KLF8: variants seen among roughly 807,000 people sequenced by gnomAD.
The protein encoded by KLF8 is KLF transcription factor 8.
Under a neutral mutation model 18.2 loss-of-function variants are expected in KLF8, and 10 were observed. The observed-to-expected ratio is 0.55, with a 90% CI of 0.34 to 0.93. KLF8 has a LOEUF of 0.93. Ranked by LOEUF, KLF8 falls within the 40% of genes least tolerant of loss-of-function variation. The pLI, the probability that KLF8 is intolerant of heterozygous loss-of-function variation, is 0.02. For synonymous variants in KLF8, 109 were observed against 97.3 expected, an observed-to-expected ratio of 1.12 and a Z score of -0.71; for missense variants, 264 against 277.9, an observed-to-expected ratio of 0.95 and a Z score of 0.36.
At chrX:56,206,604 C>A in the KLF8 span, among the ~76,000 whole-genome samples, 4 of 112,666 alleles carry the variant, frequency 3.6e-5, no homozygotes, top group Non-Finnish European at 7.5e-5. Flanking sequence ...GGTGGACTCT[C>A]ATGGCCTTGG....
the KLF8 span, among the ~76,000 whole-genome samples, chrX:56,099,436 C>A: frequency 9.0e-6 from 1 of 111,306 alleles, no homozygotes; most frequent in Non-Finnish European, 1.9e-5. Flanking sequence ...AGTAACCCTG[C>A]AATGCCCTCT....
At chrX:56,000,053 G>T in the KLF8 span, among the ~76,000 whole-genome samples, 5 of 111,432 alleles carry the variant, frequency 4.5e-5, no homozygotes, top group Non-Finnish European at 7.5e-5. Context: ...AGTCATTAGG[G>T]GATGCTGGAT....
the KLF8 span, among the ~76,000 whole-genome samples, chrX:56,036,061 A>G: frequency 2.7e-5 from 3 of 111,863 alleles, no homozygotes; most frequent in African/African-American, 6.5e-5. Flanking sequence ...TCCCTTGACT[A>G]TACGGGCTTT....
chrX:56,241,201 T>C (rs2066539695), intron 1 of KLF8, among the ~76,000 whole-genome samples: 1 of 111,602 alleles, frequency 9.0e-6, no homozygotes, highest in South Asian at 3.8e-4. Context: ...GGAGCCTCGC[T>C]CTTTCATGCA....
chrX:56,159,759 C>G, the KLF8 span, among the ~76,000 whole-genome samples: 24 of 111,239 alleles, frequency 2.2e-4, no homozygotes, highest in African/African-American at 7.5e-4. Flanking sequence ...TTTCTTGCAT[C>G]TATTTGATTC....
At chrX:56,113,617 A>G in the KLF8 span, among the ~76,000 whole-genome samples, 1 of 107,197 alleles carries the variant, frequency 9.3e-6, no homozygotes, top group Admixed American at 1.0e-4. Flanking sequence ...GAAAAAAGAA[A>G]AAAAGAAATG....
chrX:56,160,336 G>A, the KLF8 span, among the ~76,000 whole-genome samples: 1 of 111,675 alleles, frequency 9.0e-6, no homozygotes, highest in African/African-American at 3.3e-5. Flanking sequence ...GAATACGTGT[G>A]GTGTGGTGCT....
the KLF8 span, among the ~76,000 whole-genome samples, chrX:55,958,400 T>A: frequency 8.9e-6 from 1 of 112,135 alleles, no homozygotes; most frequent in Admixed American, 9.4e-5. Context: ...CAAGAGGTTT[T>A]ATACCTTTAA....
At chrX:56,079,746 G>C in the KLF8 span, among the ~76,000 whole-genome samples, 1 of 110,165 alleles carries the variant, frequency 9.1e-6, no homozygotes, top group Non-Finnish European at 1.9e-5. Flanking sequence ...TTGACAGTGA[G>C]GTGTTAAAGT....
the KLF8 span, among the ~76,000 whole-genome samples, chrX:55,946,053 A>C: frequency 1.8e-5 from 2 of 111,814 alleles, no homozygotes; most frequent in African/African-American, 6.5e-5. Flanking sequence ...GAAAATGGCC[A>C]TACTGCCCAA....
At chrX:56,160,968 C>T in the KLF8 span, among the ~76,000 whole-genome samples, 1 of 111,243 alleles carries the variant, frequency 9.0e-6, no homozygotes, top group Non-Finnish European at 1.9e-5. Context: ...TTAGTTGATG[C>T]AGTTTCTTCC....
At chrX:56,174,814 T>A in the KLF8 span, among the ~76,000 whole-genome samples, 10 of 111,767 alleles carry the variant, frequency 8.9e-5, no homozygotes, top group Non-Finnish European at 1.7e-4. Context: ...TTCTTCCTGG[T>A]TTAGTCTTGG....
chrX:55,922,772 TGA>T, the KLF8 span, among the ~76,000 whole-genome samples: 12 of 111,888 alleles, frequency 1.1e-4, no homozygotes, highest in African/African-American at 3.9e-4. Context: ...GAAACCACAG[TGA>T]GATACCATCT....
At chrX:55,962,794 A>T in the KLF8 span, among the ~76,000 whole-genome samples, 1 of 112,476 alleles carries the variant, frequency 8.9e-6, no homozygotes, top group African/African-American at 3.2e-5. Context: ...CCTGTCAGTT[A>T]TGCCATTGCA....
the KLF8 span, among the ~76,000 whole-genome samples, chrX:56,169,993 G>T: frequency 9.0e-6 from 1 of 111,409 alleles, no homozygotes; most frequent in Non-Finnish European, 1.9e-5. Context: ...TCAGAACAAA[G>T]AGAGAGACTT....
chrX:56,013,556 A>G, the KLF8 span, among the ~76,000 whole-genome samples: 2 of 111,717 alleles, frequency 1.8e-5, no homozygotes, highest in East Asian at 2.8e-4. Context: ...ATCTCATTGA[A>G]TTGTGGTTTC....
the KLF8 span, among the ~76,000 whole-genome samples, chrX:56,103,369 T>C: frequency 8.9e-6 from 1 of 111,737 alleles, no homozygotes; most frequent in East Asian, 2.8e-4. Context: ...CATTTGTTTG[T>C]ATCCTCTTTT....
intron 2 of KLF8, among the ~76,000 whole-genome samples, chrX:56,264,432 G>C (rs1338667075): frequency 1.9e-5 from 2 of 106,449 alleles, no homozygotes; most frequent in East Asian, 5.8e-4. Flanking sequence ...TAATAAATTG[G>C]TTTTTTAAAC....
the KLF8 span, among the ~76,000 whole-genome samples, chrX:56,063,267 G>T: frequency 2.7e-5 from 3 of 111,373 alleles, no homozygotes; most frequent in South Asian, 1.1e-3. Flanking sequence ...GGAATTTTCA[G>T]CCTTTTTGCA....
Sources: allele counts gnomAD v4.1 joint callset (sites outside exome capture counted in the v4.1 genomes callset), GRCh38; gene constraint gnomAD v4.1.1; transcripts MANE v1.5; gene names NCBI Gene and HGNC (gene_info 2026-07-23, HGNC 2026-07-21).